The following NAV2 variants were observed in gnomAD, a reference collection of about 807,000 sequenced individuals.
NAV2 encodes neuron navigator 2.
A neutral mutation model predicts 223.2 loss-of-function variants in NAV2; 54 were observed. That is an observed-to-expected ratio of 0.24 (90% confidence interval 0.19 to 0.30). The LOEUF is 0.30. NAV2 is among the 10% of genes least tolerant of loss of function. NAV2 has a pLI of 1.00. For synonymous variants in NAV2, 1,279 were observed against 1,239.3 expected, an observed-to-expected ratio of 1.03 and a Z score of -0.67; for missense variants, 2,806 against 3,147.5, an observed-to-expected ratio of 0.89 and a Z score of 2.60.
intron 12 of NAV2, among the ~76,000 whole-genome samples, chr11:20,038,789 G>C (rs1253775584): frequency 1.3e-5 from 2 of 152,202 alleles, no homozygotes; most frequent in Non-Finnish European, 2.9e-5. Flanking sequence ...AGCAAATTGA[G>C]GACAGGTTGC....
chr11:19,557,755 A>T (rs1035456380), intron 1 of NAV2, among the ~76,000 whole-genome samples: 1 of 152,216 alleles, frequency 6.6e-6, no homozygotes, highest in African/African-American at 2.4e-5. Flanking sequence ...CCAGGTGAGA[A>T]GCATAGGGTG....
intron 1 of NAV2, among the ~76,000 whole-genome samples, chr11:19,382,404 G>A (rs529543885): frequency 2.6e-5 from 4 of 152,280 alleles, no homozygotes; most frequent in East Asian, 1.9e-4. Context: ...CAATTGTGCC[G>A]ACTGGCAAAC....
chr11:19,635,612 A>C (rs1941964350), intron 1 of NAV2, among the ~76,000 whole-genome samples: 1 of 152,240 alleles, frequency 6.6e-6, no homozygotes, highest in Non-Finnish European at 1.5e-5. Flanking sequence ...CAAAGAGATC[A>C]CATAGCAAGA....
chr11:20,102,191 TG>T (rs2061687575), intron 32 of NAV2, among the ~76,000 whole-genome samples: 1 of 152,132 alleles, frequency 6.6e-6, no homozygotes, highest in Non-Finnish European at 1.5e-5. Context: ...GCCACATGCC[TG>T]GGGCCCAGAG....
chr11:19,879,025 C>T (rs538983145), intron 4 of NAV2, among the ~76,000 whole-genome samples: 98 of 152,278 alleles, frequency 6.4e-4, no homozygotes, highest in African/African-American at 2.2e-3. Flanking sequence ...CTGTCCCTCA[C>T]GCTCAGTAGC....
chr11:19,584,025 G>T (rs1247424568), intron 1 of NAV2, among the ~76,000 whole-genome samples: 17 of 152,084 alleles, frequency 1.1e-4, no homozygotes, highest in Admixed American at 1.1e-3. Context: ...TTTTTGGTTG[G>T]TAAGCTAGTA....
At chr11:19,383,214 G>C (rs1033036075) in intron 1 of NAV2, among the ~76,000 whole-genome samples, 2 of 152,060 alleles carry the variant, frequency 1.3e-5, no homozygotes, top group Non-Finnish European at 2.9e-5. Context: ...GTTAACTGTG[G>C]CCATGTCAAT....
Position 19,618,421 on chromosome 11 carries a change from G to A in NAV2, c.76-214063G>A, listed in dbSNP as rs1201381646. Among the ~76,000 whole-genome samples the A allele has an allele frequency of 1.2e-3, 186 of 150,804 alleles. 1 individual carries two copies. Among genetic ancestry groups the A allele is most frequent in the African/African-American group, 4.4e-3 (178 of 40,718 alleles). The stretch of plus-strand genomic sequence containing the variant: ...GAATAGATGGATGGATGGATGGATG[G>A]ATGGATGGATGGATGGACGGATGGG... On this transcript the variant is annotated intron_variant, in intron 1 of 37. Transcript: ENST00000360655.
intron 1 of NAV2, among the ~76,000 whole-genome samples, chr11:19,635,592 C>T (rs1340344046): frequency 6.6e-6 from 1 of 152,126 alleles, no homozygotes; most frequent in Admixed American, 6.5e-5. Context: ...GGAAGGGAGG[C>T]AGATGTGTTC....
intron 1 of NAV2, among the ~76,000 whole-genome samples, chr11:19,705,088 GAAATAAATAAAT>G (rs10646001): frequency 2.0e-4 from 30 of 147,762 alleles, no homozygotes; most frequent in Non-Finnish European, 3.4e-4. Context: ...TCAATTCGTA[GAAATAAATAAAT>G]AAATAAATAA....
At chr11:20,074,586 C>G (rs986876675) in intron 22 of NAV2, among the ~76,000 whole-genome samples, 2 of 152,068 alleles carry the variant, frequency 1.3e-5, no homozygotes, top group Admixed American at 6.5e-5. Context: ...TTGTAGGTCT[C>G]TAAGGACTTG....
chr11:19,407,286 T>A (rs1849939583), intron 1 of NAV2, among the ~76,000 whole-genome samples: 1 of 152,192 alleles, frequency 6.6e-6, no homozygotes. Context: ...GACCAAGGCA[T>A]CAGCAACACA....
intron 1 of NAV2, among the ~76,000 whole-genome samples, chr11:19,768,528 C>T (rs1212182648): frequency 3.9e-5 from 6 of 152,120 alleles, no homozygotes; most frequent in Non-Finnish European, 8.8e-5. Context: ...GAACCGTGGC[C>T]TTTGTCCTGG....
chr11:20,014,155 CT>C (rs2053814385), intron 11 of NAV2, among the ~76,000 whole-genome samples: 1 of 152,154 alleles, frequency 6.6e-6, no homozygotes, highest in African/African-American at 2.4e-5. Context: ...TACAAGTTTC[CT>C]CTCCAATCCC....
At chr11:19,556,553 A>G (rs1296846397) in intron 1 of NAV2, among the ~76,000 whole-genome samples, 2 of 152,242 alleles carry the variant, frequency 1.3e-5, no homozygotes, top group African/African-American at 2.4e-5. Flanking sequence ...ATGTTTTTAA[A>G]TGCCTGAAAT....
intron 1 of NAV2, among the ~76,000 whole-genome samples, chr11:19,769,087 G>C (rs1047767110): frequency 6.6e-6 from 1 of 152,208 alleles, no homozygotes; most frequent in African/African-American, 2.4e-5. Flanking sequence ...ATTCAGCTTA[G>C]TTCACAGAGC....
At chr11:19,772,708 C>T (rs1224509478) in intron 1 of NAV2, among the ~76,000 whole-genome samples, 3 of 152,184 alleles carry the variant, frequency 2.0e-5, no homozygotes, top group Admixed American at 1.3e-4. Flanking sequence ...GCTGACATCC[C>T]CCCATCAGCC....
At chr11:19,456,446 T>C (rs1427575610) in intron 1 of NAV2, among the ~76,000 whole-genome samples, 1 of 152,230 alleles carries the variant, frequency 6.6e-6, no homozygotes, top group Non-Finnish European at 1.5e-5. Flanking sequence ...GTGATGGGCC[T>C]AGAGAAAATG....
chr11:20,107,330 C>T (rs1368101076), intron 35 of NAV2: 2 of 177,460 alleles, frequency 1.1e-5, no homozygotes, highest in Non-Finnish European at 2.4e-5. Context: ...TTGTGATCCA[C>T]CCGCCTCAGC....
Sources: allele counts gnomAD v4.1 joint callset (sites outside exome capture counted in the v4.1 genomes callset), GRCh38; gene constraint gnomAD v4.1.1; transcripts MANE v1.5; gene names NCBI Gene and HGNC (gene_info 2026-07-23, HGNC 2026-07-21).